The following NTRK1 variants were observed in gnomAD, a reference collection of about 807,000 sequenced individuals.
NTRK1 encodes high affinity nerve growth factor receptor.
Under a neutral mutation model 86.8 loss-of-function variants are expected in NTRK1, and 62 were observed. The ratio of observed to expected loss-of-function variants is 0.71; its 90% CI spans 0.58 to 0.88. The LOEUF is 0.88. NTRK1 is among the 40% of genes least tolerant of loss of function. The pLI, the probability that NTRK1 is intolerant of heterozygous loss-of-function variation, is 0.00. For missense variants in NTRK1, 967 were observed against 1,078.4 expected (o/e 0.90, Z 1.45); for synonymous variants, 469 against 456.6 (o/e 1.03, Z -0.35).
At chr1:156,871,111 T>G (rs1410882110) in intron 6 of NTRK1, among the ~76,000 whole-genome samples, 1 of 152,200 alleles carries the variant, frequency 6.6e-6, no homozygotes, top group Non-Finnish European at 1.5e-5. Context: ...GAGGTCCTAG[T>G]GGGGTCTCCA....
intron 2 of NTRK1, chr1:156,844,221 G>T (rs1654902572): frequency 6.2e-7 from 1 of 1,613,884 alleles, no homozygotes; most frequent in African/African-American, 1.3e-5. Flanking sequence ...ACGATGAGCA[G>T]CGTGAGCCCC....
At chr1:156,815,974 G>T in intron 1 of NTRK1, 1 of 1,610,290 alleles carries the variant, frequency 6.2e-7, no homozygotes, top group Non-Finnish European at 8.5e-7. Flanking sequence ...TGAGGGAGCT[G>T]CACCACGCTG....
At chr1:156,815,932 G>T (rs1653866716) in intron 1 of NTRK1, 2 of 1,608,632 alleles carry the variant, frequency 1.2e-6, no homozygotes, top group Non-Finnish European at 8.5e-7. Context: ...TTGTCCATCT[G>T]CAAGTCCTTC....
At position 156,849,384 on chromosome 1, in the gene NTRK1, G is replaced by A. The variant is rs202225327; in HGVS notation, c.50+7191G>A. The A allele has an allele frequency of 1.9e-6, 3 of 1,613,426 alleles. No individual in the cohort carries two copies. In the East Asian group the frequency reaches 6.7e-5, roughly 36 times the overall value. On this transcript the variant is annotated intron_variant, in intron 2 of 16. Transcript: ENST00000392302. ...AAGGCGAAGTAGATCTTGCCCACGG[G>A]AATGGTGAGCCCCGCGGCCACCCAG...
intron 1 of NTRK1, among the ~76,000 whole-genome samples, chr1:156,830,197 G>T (rs1250036060): frequency 6.6e-6 from 1 of 152,228 alleles, no homozygotes; most frequent in East Asian, 1.9e-4. Context: ...CACTGCAATA[G>T]AAGTGTTTTC....
chr1:156,864,117 A>G (rs1220921254), intron 1 of NTRK1, among the ~76,000 whole-genome samples: 2 of 151,906 alleles, frequency 1.3e-5, no homozygotes, highest in East Asian at 1.9e-4. Flanking sequence ...GGGGATCCAT[A>G]TGTATGTGCG....
intron 2 of NTRK1, chr1:156,846,264 G>T: frequency 1.1e-6 from 1 of 931,090 alleles, no homozygotes; most frequent in Non-Finnish European, 1.6e-6. Context: ...AGAACTCAGT[G>T]TTTTGTTTCT....
intron 2 of NTRK1, 36 bp downstream of exon 2, chr1:156,864,464 C>G (rs781413174): frequency 2.2e-5 from 35 of 1,599,330 alleles, no homozygotes; most frequent in Non-Finnish European, 2.9e-5. Flanking sequence ...TGGAGCTCAG[C>G]ATGGGCCTGG....
chr1:156,869,059 C>T (rs1410752537), intron 6 of NTRK1, among the ~76,000 whole-genome samples: 1 of 148,856 alleles, frequency 6.7e-6, no homozygotes, highest in Non-Finnish European at 1.5e-5. Context: ...TTCCTTCCTT[C>T]CTTCCTTCCT....
In NTRK1 at chr1:156,841,813, G is replaced by A. The variant is rs1462918334; in HGVS notation, c.-63-268G>A. 3 of 1,613,990 alleles carry A rather than the reference G, an allele frequency of 1.9e-6. No homozygotes were observed. In the African/African-American group the frequency reaches 4.0e-5, roughly 22 times the overall value. On this transcript the variant is annotated intron_variant, in intron 1 of 16. Coordinates refer to the NTRK1 transcript ENST00000392302. ...CCGAAGTCTGGAAAGTGAGGGTGAG[G>A]GTGGAGGAGGTGTGGGGCATAAGAG... is the stretch of plus-strand genomic sequence containing the variant.
upstream of NTRK1, among the ~76,000 whole-genome samples, chr1:156,859,991 C>A (rs1655555277): frequency 6.6e-6 from 1 of 152,234 alleles, no homozygotes; most frequent in Non-Finnish European, 1.5e-5. This position sits in a 1 kb window ranked among gnomAD's most constrained non-coding sequence, Gnocchi z 6.2. Context: ...GTGCGCGGTC[C>A]TCAGCTCCAC....
intron 2 of NTRK1, chr1:156,853,813 G>T: frequency 5.6e-6 from 9 of 1,612,914 alleles, no homozygotes; most frequent in Non-Finnish European, 7.6e-6. Flanking sequence ...AGGTGGTCTT[G>T]GCACAGGGCT....
At chr1:156,842,110 A>G (rs1038903772) in exon 2 of NTRK1, 1 of 1,612,716 alleles carries the variant, frequency 6.2e-7, no homozygotes, top group Non-Finnish European at 8.5e-7. Flanking sequence ...CACCCTCTGT[A>G]CCCCCGATCT....
chr1:156,880,283 C>A, intron 16 of NTRK1, 126 bp downstream of exon 16: 1 of 981,484 alleles, frequency 1.0e-6, no homozygotes, highest in Non-Finnish European at 1.5e-6. Context: ...CCCTTTCCAG[C>A]GCCGTGCCCA....
Position 156,843,463 on chromosome 1 carries a change from C to T in NTRK1, c.50+1270C>T, listed in dbSNP as rs181833353. On this transcript the variant is annotated intron_variant, in intron 2 of 16. Transcript: ENST00000392302. ...CTGAAGTACTCTGGATTCACAGAAG[C>T]ATACAGGGTTCTGTTTCTGCAACGG... 5.4e-5 allele frequency: 87 copies of T among 1,614,256 alleles called. No individual in the cohort carries two copies. In the East Asian group the frequency reaches 1.9e-3, roughly 35 times the overall value.
intron 12 of NTRK1, 109 bp from the exon 13 acceptor site, chr1:156,875,971 C>T (rs1647877332): frequency 4.5e-6 from 7 of 1,547,492 alleles, no homozygotes; most frequent in South Asian, 1.1e-5. Context: ...CCATGCAGTC[C>T]CTCGTCTGGG....
chr1:156,829,846 T>C (rs1026514008), intron 1 of NTRK1, among the ~76,000 whole-genome samples: 3 of 152,048 alleles, frequency 2.0e-5, no homozygotes, highest in Admixed American at 6.5e-5. Flanking sequence ...GAGATGGGGG[T>C]TTCACCACGT....
chr1:156,869,982 C>G (rs921331918), intron 6 of NTRK1, among the ~76,000 whole-genome samples: 3 of 152,182 alleles, frequency 2.0e-5, no homozygotes, highest in African/African-American at 4.8e-5. Flanking sequence ...TTGCTGGAGG[C>G]CCCTGGAACC....
chr1:156,869,148 C>A (rs1054593972), intron 6 of NTRK1, among the ~76,000 whole-genome samples: 2 of 151,478 alleles, frequency 1.3e-5, no homozygotes, highest in Non-Finnish European at 2.9e-5. Flanking sequence ...CTTGACTCAC[C>A]GCAACCTCCG....
Sources: allele counts gnomAD v4.1 joint callset (sites outside exome capture counted in the v4.1 genomes callset), GRCh38; gene constraint gnomAD v4.1.1; non-coding constraint Gnocchi (gnomAD v3.1); transcripts MANE v1.5; gene names NCBI Gene and HGNC (gene_info 2026-07-23, HGNC 2026-07-21).